PRKN: variants seen among roughly 807,000 people sequenced by gnomAD.
The protein encoded by PRKN is E3 ubiquitin-protein ligase parkin.
Under a neutral mutation model 59.5 loss-of-function variants are expected in PRKN, and 56 were observed. That is an observed-to-expected ratio of 0.94 (90% CI 0.76 to 1.18). The LOEUF is 1.18. PRKN is among the 50% of genes most tolerant of loss of function. The probability of loss-of-function intolerance (pLI) is 0.00; values close to 1 mark genes in which losing one functional copy is unlikely to be tolerated. For synonymous variants in PRKN, 250 were observed against 222.1 expected (o/e 1.13, Z -1.12); for missense variants, 657 against 596.4 (o/e 1.10, Z -1.06).
At chr6:162,660,584 C>G (rs932992636) in intron 1 of PRKN, among the ~76,000 whole-genome samples, 1 of 152,170 alleles carries the variant, frequency 6.6e-6, no homozygotes, top group Non-Finnish European at 1.5e-5. Flanking sequence ...ACCTCTGAGA[C>G]AGTGTTCAAT....
At chr6:162,284,811 C>T (rs1781107494) in intron 2 of PRKN, among the ~76,000 whole-genome samples, 1 of 152,096 alleles carries the variant, frequency 6.6e-6, no homozygotes, top group Admixed American at 6.6e-5. Context: ...TATTTACTGC[C>T]AATATGCTGC....
intron 1 of PRKN, among the ~76,000 whole-genome samples, chr6:162,481,043 A>G (rs1388186027): frequency 6.6e-6 from 1 of 151,748 alleles, no homozygotes; most frequent in African/African-American, 2.4e-5. Context: ...AGCTTGTCCC[A>G]AACTCCTGAC....
intron 1 of PRKN, among the ~76,000 whole-genome samples, chr6:162,479,091 T>G (rs183405884): frequency 2.5e-3 from 377 of 152,306 alleles, no homozygotes; most frequent in African/African-American, 8.2e-3. Flanking sequence ...CTTTATAAAC[T>G]TTTTAACTTT....
chr6:162,140,412 G>A (rs148855324), intron 4 of PRKN, among the ~76,000 whole-genome samples: 1 of 152,332 alleles, frequency 6.6e-6, no homozygotes, highest in African/African-American at 2.4e-5. Flanking sequence ...GTGTTTGGCT[G>A]CAGAGGTATG....
chr6:161,743,386 T>TTTTATTTA (rs372492770), intron 7 of PRKN, among the ~76,000 whole-genome samples: 36,716 of 140,008 alleles, frequency 0.26, 5,114 homozygotes, highest in Admixed American at 0.29. Context: ...CATCCAGCTT[T>TTTTATTTA]TTTATTTATT....
intron 1 of PRKN, among the ~76,000 whole-genome samples, chr6:162,639,593 A>G (rs1777882856): frequency 1.3e-5 from 2 of 152,100 alleles, no homozygotes; most frequent in Admixed American, 1.3e-4. Context: ...CTGTACATTC[A>G]CCCCTTCTCC....
intron 1 of PRKN, among the ~76,000 whole-genome samples, chr6:162,578,420 T>G (rs1338182766): frequency 2.6e-5 from 4 of 152,208 alleles, no homozygotes; most frequent in Non-Finnish European, 4.4e-5. Flanking sequence ...GGGCCGGGCA[T>G]GTGAAATTAA....
chr6:162,383,642 C>T (rs543460218), intron 2 of PRKN, among the ~76,000 whole-genome samples: 8 of 152,324 alleles, frequency 5.3e-5, no homozygotes, highest in African/African-American at 1.7e-4. Context: ...AACTTAAAGT[C>T]ACCAGGTACA....
At chr6:162,204,695 A>G (rs1784859500) in intron 3 of PRKN, among the ~76,000 whole-genome samples, 1 of 143,668 alleles carries the variant, frequency 7.0e-6, no homozygotes, top group African/African-American at 2.5e-5. Flanking sequence ...AAAGTATGTT[A>G]ATTTTATTCA....
intron 7 of PRKN, among the ~76,000 whole-genome samples, chr6:161,657,733 C>T (rs112024183): frequency 4.5e-4 from 68 of 152,040 alleles, no homozygotes; most frequent in Non-Finnish European, 5.9e-4. Context: ...GAATTAAAAA[C>T]GAGTATACTA....
At chr6:162,052,163 A>C (rs1008933666) in intron 5 of PRKN, among the ~76,000 whole-genome samples, 1 of 152,106 alleles carries the variant, frequency 6.6e-6, no homozygotes. Context: ...GGCTGCATTT[A>C]GGATAATTTT....
chr6:162,139,777 G>A (rs558207696), intron 4 of PRKN, among the ~76,000 whole-genome samples: 2 of 152,106 alleles, frequency 1.3e-5, no homozygotes, highest in South Asian at 2.1e-4. Context: ...TGAAGTATCT[G>A]TAGGTACCAG....
chr6:161,815,352 T>C (rs1791730809), intron 6 of PRKN, among the ~76,000 whole-genome samples: 1 of 152,238 alleles, frequency 6.6e-6, no homozygotes. Flanking sequence ...AGTTCAACCA[T>C]CCAAAGTGTT....
chr6:161,968,760 T>G (rs1182025290), intron 6 of PRKN, among the ~76,000 whole-genome samples: 1 of 152,072 alleles, frequency 6.6e-6, no homozygotes, highest in Non-Finnish European at 1.5e-5. Flanking sequence ...TTGATTTATC[T>G]CCAGGAAAAT....
rs937431104 is a variant in PRKN, at chr6:162,189,133, T to C, written c.534+11998A>G. Among the ~76,000 whole-genome samples the C allele has an allele frequency of 4.6e-5, 7 of 151,886 alleles. No individual in the cohort carries two copies. In the East Asian group the frequency reaches 9.8e-4, roughly 21 times the overall value. On this transcript the variant is annotated intron_variant, in intron 4 of 11. Coordinates refer to ENST00000366898, the MANE Select transcript of PRKN (RefSeq NM_004562.3). ...GCAAAGTTGATTCCTATTCTAATTA[T>C]CTTCTATAGGAGGGAATTGAGATTA...
rs1168073172 is a variant in PRKN at position 161,545,468 on chromosome 6, C to T, written c.1083+3386G>A. ...AGAGCAAAGAGTAAAAAGAGATTCA[C>T]CTTCTTCTAACTTTTATGTATTTGG... is the stretch of plus-strand genomic sequence containing the variant. On this transcript the variant is annotated intron_variant, in intron 9 of 11. Coordinates refer to ENST00000366898, the MANE Select transcript of PRKN (RefSeq NM_004562.3). This position sits in a 1 kb window ranked among gnomAD's most constrained non-coding sequence, Gnocchi z 4.1. The T allele has an allele frequency of 6.7e-7, 1 of 1,483,060 alleles. No individual in the cohort carries two copies. The highest frequency in any genetic ancestry group is 9.4e-7 in the Non-Finnish European group (1 of 1,062,198). The allele number at this position is 1,483,060 out of a possible 1,614,324, so 91.9% of individuals were successfully genotyped here.
chr6:162,231,316 A>G (rs1450007154), intron 3 of PRKN, among the ~76,000 whole-genome samples: 1 of 152,214 alleles, frequency 6.6e-6, no homozygotes, highest in Non-Finnish European at 1.5e-5. Context: ...AACCAAATTT[A>G]TTGTCCCAGT....
intron 7 of PRKN, among the ~76,000 whole-genome samples, chr6:161,739,745 T>G (rs546222234): frequency 6.6e-6 from 1 of 152,254 alleles, no homozygotes; most frequent in South Asian, 2.1e-4. Context: ...ATGTAACAAT[T>G]TTTTTTCTTG....
At chr6:161,366,982 C>CTTTTTTTTTTTTTTTTTT (rs57164972) in intron 10 of PRKN, among the ~76,000 whole-genome samples, 1 of 91,946 alleles carries the variant, frequency 1.1e-5, no homozygotes, top group African/African-American at 4.3e-5. Context: ...TTTTTGTTTC[C>CTTTTTTTTTTTTTTTTTT]TTTTTTTTTT....
Sources: allele counts gnomAD v4.1 joint callset (sites outside exome capture counted in the v4.1 genomes callset), GRCh38; gene constraint gnomAD v4.1.1; non-coding constraint Gnocchi (gnomAD v3.1); transcripts MANE v1.5; gene names NCBI Gene and HGNC (gene_info 2026-07-23, HGNC 2026-07-21).